Variants in FGFR1 observed in about 807,000 individuals in gnomAD.
FGFR1 encodes FGFR1/PLAG1 fusion.
FGFR1 carries 18 observed loss-of-function variants against 93.7 expected under a neutral mutation model. The observed-to-expected ratio is 0.19, with a 90% confidence interval of 0.13 to 0.28. The LOEUF (loss-of-function observed/expected upper bound fraction) is 0.28. Among genes scored for constraint, FGFR1 ranks in the 10% least tolerant of loss-of-function variants. The pLI is 1.00. For synonymous variants in FGFR1, 448 were observed against 429.3 expected, an observed-to-expected ratio of 1.04 and a Z score of -0.54; for missense variants, 731 against 1,080.4, an observed-to-expected ratio of 0.68 and a Z score of 4.53.
chr8:38,464,942 G>A (rs1835184849), intron 1 of FGFR1, among the ~76,000 whole-genome samples: 1 of 152,274 alleles, frequency 6.6e-6, no homozygotes, highest in African/African-American at 2.4e-5. Flanking sequence ...CTCATTTTAG[G>A]AGTCTTGTTT....
intron 5 of FGFR1, 109 bp downstream of exon 5, chr8:38,427,812 G>A: frequency 5.0e-6 from 6 of 1,211,146 alleles, no homozygotes; most frequent in Non-Finnish European, 7.3e-6. Context: ...TGAATAACCT[G>A]TATAGGTGGA....
intron 2 of FGFR1, among the ~76,000 whole-genome samples, chr8:38,431,914 G>T (rs1385064393): frequency 1.3e-5 from 2 of 152,124 alleles, no homozygotes; most frequent in Admixed American, 1.3e-4. Flanking sequence ...ACGAAGGTAA[G>T]GAGAAAAGCA....
chr8:38,428,955 A>T lies in FGFR1; in HGVS notation c.359-520T>A, dbSNP rs554140140. On this transcript the variant is annotated intron_variant, in intron 3 of 17. Coordinates refer to ENST00000447712, the MANE Select transcript of FGFR1 (RefSeq NM_023110.3). ...CAGATAGGGCACCCACCACCCCAGC[A>T]GCTGCCAACACCTCTCCCCAATAAG... The T allele has an allele frequency of 3.6e-5, 11 of 304,878 alleles. No homozygotes were observed. The East Asian group carries it at 9.8e-4, about 27-fold the overall frequency. The allele number at this position is 304,878 out of a possible 1,614,324, so 18.9% of individuals were successfully genotyped here.
intron 2 of FGFR1, among the ~76,000 whole-genome samples, chr8:38,456,753 T>C (rs1038855664): frequency 6.6e-6 from 1 of 152,146 alleles, no homozygotes; most frequent in Non-Finnish European, 1.5e-5. Context: ...TTTTTTTTTG[T>C]AGAGATGGGG....
Position 38,465,942 on chromosome 8 carries a change from A to G in FGFR1, c.-89+2039T>C, listed in dbSNP as rs564277994. ...GTGCGATTTCATTACAGCCTCCAAA[A>G]CTACCGCCCAAAGAAGGAAACCAGA... On this transcript the variant is annotated intron_variant, in intron 1 of 17. Transcript: ENST00000447712. The G allele has an allele frequency of 2.2e-5, 5 of 227,944 alleles. No individual in the cohort carries two copies. The South Asian group carries it at 9.1e-4, about 42-fold the overall frequency. 14.1% of individuals were successfully genotyped at this position (227,944 alleles called of 1,614,324 possible).
At chr8:38,466,255 G>C (rs551503674) in intron 1 of FGFR1, 128 of 232,536 alleles carry the variant, frequency 5.5e-4, no homozygotes, top group African/African-American at 2.4e-3. Context: ...GGCTTGCTCC[G>C]GGAGGGGCGC....
chr8:38,414,650 G>A (rs1423516382), intron 14 of FGFR1, 21 bp from the exon 15 acceptor site: 1 of 1,613,768 alleles, frequency 6.2e-7, no homozygotes, highest in South Asian at 1.1e-5. Flanking sequence ...CACAGGGGAG[G>A]TTGGAGTGGC....
rs1054035612 is a variant in FGFR1 at position 38,415,989 on chromosome 8, G to C, written c.1735C>G (p.Pro579Ala). The change falls in exon 13 of 18, where the codon CCA becomes GCA. Residue 579 changes from proline (P) to alanine (A), a missense_variant. Physicochemically the swap from Pro to Ala is conservative, Grantham distance 27. Coordinates refer to ENST00000447712, the MANE Select transcript of FGFR1 (RefSeq NM_023110.3). ...LREYLQARRP[P>A]GLEYCYNPSH... ...GGGTTGTAGCAGTATTCCAGCCCTG[G>C]GGGCCTCCGGGCCTGCAGGTACTCC... 6.2e-7 allele frequency: 1 copy of C among 1,613,964 alleles called. No individual in the cohort carries two copies. The highest frequency in any genetic ancestry group is 8.5e-7 in the Non-Finnish European group (1 of 1,179,992).
At chr8:38,417,511 C>T in intron 11 of FGFR1, 95 bp from the exon 12 acceptor site, 1 of 1,052,812 alleles carries the variant, frequency 9.5e-7, no homozygotes, top group Non-Finnish European at 1.5e-6. Flanking sequence ...GCTGCTTTTC[C>T]CTGGGACTTG....
intron 2 of FGFR1, among the ~76,000 whole-genome samples, chr8:38,456,759 T>TG (rs1353774431): frequency 1.3e-5 from 2 of 152,104 alleles, no homozygotes; most frequent in African/African-American, 4.8e-5. Context: ...TTTGTAGAGA[T>TG]GGGGTCTCGC....
At chr8:38,418,052 C>G (rs1817349213) in intron 10 of FGFR1, 61 bp from the exon 11 acceptor site, 1 of 1,611,948 alleles carries the variant, frequency 6.2e-7, no homozygotes, top group Non-Finnish European at 8.5e-7. Context: ...CCTTGAGAGG[C>G]ACCCCATCTC....
At chr8:38,420,303 A>C (rs1818243413) in intron 8 of FGFR1, 1 of 157,556 alleles carries the variant, frequency 6.3e-6, no homozygotes. Context: ...ACAGGAGGGG[A>C]ACCAGCCTGT....
rs1310491522 is a variant in FGFR1 at position 38,417,433 on chromosome 8, G to A, written c.1553-17C>T. The A allele has an allele frequency of 1.2e-5, 19 of 1,605,928 alleles. No individual in the cohort carries two copies. The highest frequency in any genetic ancestry group is 1.6e-5 in the Non-Finnish European group (19 of 1,173,156). On this transcript the variant is annotated splice_polypyrimidine_tract_variant and intron_variant, in intron 11 of 17. Coordinates refer to ENST00000447712, the MANE Select transcript of FGFR1 (RefSeq NM_023110.3). ...TTGCGTCCGCTTTAAAGAACACGTT[G>A]AGACTCATTTACTTGGGAAGGGAGG...
intron 1 of FGFR1, among the ~76,000 whole-genome samples, chr8:38,461,759 G>A (rs1010965828): frequency 6.6e-6 from 1 of 152,152 alleles, no homozygotes; most frequent in Non-Finnish European, 1.5e-5. Flanking sequence ...AGGCTCAAAT[G>A]GGTGGTGTGG....
At chr8:38,428,946 C>A (rs1821800457) in intron 3 of FGFR1, 1 of 302,010 alleles carries the variant, frequency 3.3e-6, no homozygotes, top group South Asian at 3.1e-5. Flanking sequence ...GGGCACCCAC[C>A]ACCCCAGCAG....
intron 6 of FGFR1, among the ~76,000 whole-genome samples, chr8:38,425,444 T>C (rs888481534): frequency 1.5e-4 from 23 of 152,174 alleles, no homozygotes; most frequent in African/African-American, 4.8e-4. Context: ...AATCCCATCA[T>C]GCCACCTGGA....
At chr8:38,460,514 G>C (rs1457220206) in intron 1 of FGFR1, among the ~76,000 whole-genome samples, 6 of 152,076 alleles carry the variant, frequency 3.9e-5, no homozygotes, top group African/African-American at 1.4e-4. Context: ...AAAGCCTGCC[G>C]CCTCCTCCCA....
chr8:38,446,142 T>A (rs1284142112), intron 2 of FGFR1, among the ~76,000 whole-genome samples: 1 of 151,120 alleles, frequency 6.6e-6, no homozygotes, highest in East Asian at 2.0e-4. Flanking sequence ...TTAGATCACT[T>A]CCCTGTTCAC....
Position 38,468,328 on chromosome 8 carries a change from G to A in FGFR1, c.-436C>T. 4.4e-6 allele frequency: 1 copy of A among 228,228 alleles called. No individual in the cohort carries two copies. The highest frequency in any genetic ancestry group is 8.7e-6 in the Non-Finnish European group (1 of 114,628). The allele number at this position is 228,228 out of a possible 1,614,324, so 14.1% of individuals were successfully genotyped here. ...GGCTCCATCGCCCTGCGGAGGCCCCGGCGCCGCGGCGTGCCCGACTGCAGC... is the reference window on the plus strand; with the variant it reads ...GGCTCCATCGCCCTGCGGAGGCCCCAGCGCCGCGGCGTGCCCGACTGCAGC... On this transcript the variant is annotated 5_prime_UTR_variant, in exon 1 of 18. Transcript: ENST00000447712.
Sources: allele counts gnomAD v4.1 joint callset (sites outside exome capture counted in the v4.1 genomes callset), GRCh38; gene constraint gnomAD v4.1.1; transcripts MANE v1.5; gene names NCBI Gene and HGNC (gene_info 2026-07-23, HGNC 2026-07-21).